The following NT5DC1 variants were observed in gnomAD, a reference collection of about 807,000 sequenced individuals.
NT5DC1 encodes 5'-nucleotidase domain-containing protein 1.
In NT5DC1, 42 loss-of-function variants were observed where a neutral mutation model predicts 59.4. The observed-to-expected ratio is 0.71, with a 90% confidence interval of 0.55 to 0.92. NT5DC1 has a LOEUF of 0.92. NT5DC1 is among the 40% of genes least tolerant of loss of function. The pLI is 0.00. For missense variants in NT5DC1, 501 were observed against 537.1 expected (o/e 0.93, Z 0.66); for synonymous variants, 172 against 188.1 (o/e 0.91, Z 0.70).
In NT5DC1 at chr6:116,152,320, TA is replaced by T. The variant is rs540189707; in HGVS notation, c.529+34376del. On this transcript the variant is annotated intron_variant, in intron 6 of 11. Coordinates refer to ENST00000319550, the MANE Select transcript of NT5DC1 (RefSeq NM_152729.3). ...GCACACAACAGTTGATTCTTCAACT[TA>T]TCGTACCATTTAACTCCCATTCCTT... Among the ~76,000 whole-genome samples the T allele has an allele frequency of 2.3e-3, 344 of 152,342 alleles. 2 individuals are homozygous for T. The highest frequency in any genetic ancestry group is 8.1e-3 in the African/African-American group (338 of 41,574).
intron 6 of NT5DC1, among the ~76,000 whole-genome samples, chr6:116,219,972 AAAAAAAAAAAAAC>A (rs1245993133): frequency 4.0e-5 from 6 of 148,946 alleles, no homozygotes; most frequent in African/African-American, 1.3e-4. Context: ...AAAAAAAAAA[AAAAAAAAAAAAAC>A]AACTCTTCTT....
At chr6:116,161,107 C>T (rs1242778358) in intron 6 of NT5DC1, among the ~76,000 whole-genome samples, 1 of 149,320 alleles carries the variant, frequency 6.7e-6, no homozygotes, top group Non-Finnish European at 1.5e-5. Flanking sequence ...AACCAAACAC[C>T]GCATGTTCTC....
At chr6:116,218,058 T>A (rs1430541341) in intron 6 of NT5DC1, among the ~76,000 whole-genome samples, 1 of 152,184 alleles carries the variant, frequency 6.6e-6, no homozygotes. Flanking sequence ...TTTAGTTTGT[T>A]CATTTCAGTC....
chr6:116,146,538 G>A (rs969449371), intron 6 of NT5DC1, among the ~76,000 whole-genome samples: 1 of 152,170 alleles, frequency 6.6e-6, no homozygotes, highest in Non-Finnish European at 1.5e-5. Flanking sequence ...ACAAAAGAAA[G>A]TATGTGCCAG....
chr6:116,184,469 A>T (rs1171925869), intron 6 of NT5DC1, among the ~76,000 whole-genome samples: 1 of 152,006 alleles, frequency 6.6e-6, no homozygotes, highest in African/African-American at 2.4e-5. Context: ...GATTGGTACC[A>T]ATTCTTTGAA....
chr6:116,185,108 T>C (rs1430212162), intron 6 of NT5DC1, among the ~76,000 whole-genome samples: 2 of 152,108 alleles, frequency 1.3e-5, no homozygotes, highest in Non-Finnish European at 1.5e-5. Flanking sequence ...CCATCTTGAG[T>C]TCATTGTTGA....
At chr6:116,183,410 A>G (rs551654810) in intron 6 of NT5DC1, among the ~76,000 whole-genome samples, 32 of 152,188 alleles carry the variant, frequency 2.1e-4, no homozygotes, top group African/African-American at 7.7e-4. Flanking sequence ...TCTGTGAAGA[A>G]TGGTGGTAGT....
chr6:116,138,176 T>A (rs530258935), intron 6 of NT5DC1, among the ~76,000 whole-genome samples: 1 of 152,336 alleles, frequency 6.6e-6, no homozygotes, highest in South Asian at 2.1e-4. Flanking sequence ...TATTATTTCA[T>A]TTACTTGTCA....
At chr6:116,122,896 T>C (rs949117753) in intron 6 of NT5DC1, among the ~76,000 whole-genome samples, 3 of 152,200 alleles carry the variant, frequency 2.0e-5, no homozygotes, top group Non-Finnish European at 1.5e-5. Context: ...TCCCCATGGA[T>C]TTTCAGAAAA....
chr6:116,221,060 G>T lies in NT5DC1; in HGVS notation c.536G>T (p.Cys179Phe), dbSNP rs373276654. The change falls in exon 7 of 12, where the codon TGT becomes TTT. Residue 179 changes from cysteine (C) to phenylalanine (F), a missense_variant. By Grantham distance (205) the Cys-to-Phe change is radical. Coordinates refer to ENST00000319550, the MANE Select transcript of NT5DC1 (RefSeq NM_152729.3). ...NYKMSAFKEN[C>F]GIYFPEIKRD... ...TGATATTTTTATTTTTCAGAAAACT[G>T]TGGAATATATTTTCCAGAAATAAAA... is the stretch of plus-strand genomic sequence containing the variant. 4.8e-6 allele frequency: 7 copies of T among 1,445,368 alleles called. No individual in the cohort carries two copies. Among genetic ancestry groups the T allele is most frequent in the Non-Finnish European group, 6.7e-6 (7 of 1,042,268 alleles). The allele number at this position is 1,445,368 out of a possible 1,614,324, so 89.5% of individuals were successfully genotyped here. A position where few individuals can be genotyped will look rare whatever the true frequency, so the allele number is the denominator to read the frequency against.
chr6:116,115,502 T>C (rs1778947014), intron 4 of NT5DC1, among the ~76,000 whole-genome samples, 189 bp from the exon 5 acceptor site: 1 of 152,252 alleles, frequency 6.6e-6, no homozygotes, highest in Admixed American at 6.5e-5. Flanking sequence ...TTAACTTTCT[T>C]GTGGTGCCCT....
chr6:116,219,506 T>C (rs1198897066), intron 6 of NT5DC1, among the ~76,000 whole-genome samples: 2 of 152,110 alleles, frequency 1.3e-5, no homozygotes, highest in African/African-American at 4.8e-5. Context: ...TAGAGACCCT[T>C]GCCCTTCCTA....
intron 6 of NT5DC1, among the ~76,000 whole-genome samples, chr6:116,209,506 A>G (rs1444993930): frequency 6.6e-6 from 1 of 152,040 alleles, no homozygotes; most frequent in Non-Finnish European, 1.5e-5. Context: ...TATGCTTATT[A>G]CAAGTGTTGA....
At chr6:116,230,170 A>G (rs1781990628) in intron 8 of NT5DC1, among the ~76,000 whole-genome samples, 1 of 150,762 alleles carries the variant, frequency 6.6e-6, no homozygotes, top group Non-Finnish European at 1.5e-5. Context: ...CCCCTCCCCA[A>G]CCTCTCTTCA....
intron 2 of NT5DC1, among the ~76,000 whole-genome samples, 195 bp downstream of exon 2, chr6:116,106,530 A>G (rs1778772172): frequency 6.6e-6 from 1 of 152,206 alleles, no homozygotes; most frequent in South Asian, 2.1e-4. Flanking sequence ...AAACAAGTTT[A>G]GACTTGCCTA....
chr6:116,238,983 C>A lies in NT5DC1; in HGVS notation c.1112C>A (p.Ser371Ter). 2 of 1,605,244 alleles carry A rather than the reference C, an allele frequency of 1.2e-6. No individual in the cohort carries two copies. The highest frequency in any genetic ancestry group is 1.7e-6 in the Non-Finnish European group (2 of 1,172,482). Residue 371 changes from serine to a stop codon, truncating the protein, a stop_gained, in exon 11 of 12, where the codon TCA (serine) becomes TAA (stop). Transcript: ENST00000319550. LOFTEE classifies it high-confidence loss of function. ...CCAAAAGCAAAACCTTTAAATACTT[C>A]ATCTAAAAAATGGGGCTCTTTTTTT... ...EGPKAKPLNT[S>*]SKKWGSFFID...
In NT5DC1 at chr6:116,137,731, C is replaced by T. The variant is rs567605087; in HGVS notation, c.529+19786C>T. 5.3e-5 allele frequency among the ~76,000 whole-genome samples: 8 copies of T among 152,314 alleles called. No individual in the cohort carries two copies. In the South Asian group the frequency reaches 1.0e-3, roughly 20 times the overall value. Reference sequence around the variant, plus strand: ...TTTTATAAAATGCATGTGTGCAATACGTACCTGTTTATATGGAAAACCAGT... The same window carrying T: ...TTTTATAAAATGCATGTGTGCAATATGTACCTGTTTATATGGAAAACCAGT... On this transcript the variant is annotated intron_variant, in intron 6 of 11. Transcript: ENST00000319550.
At chr6:116,198,449 G>A (rs554988512) in intron 6 of NT5DC1, among the ~76,000 whole-genome samples, 1 of 152,040 alleles carries the variant, frequency 6.6e-6, no homozygotes. Context: ...ACTACAGGTG[G>A]CTGGGTATAG....
chr6:116,202,313 A>G (rs1781366660), intron 6 of NT5DC1, among the ~76,000 whole-genome samples: 1 of 151,998 alleles, frequency 6.6e-6, no homozygotes, highest in Admixed American at 6.6e-5. Flanking sequence ...TACATAGATC[A>G]GTAGCAGAAC....
Sources: allele counts gnomAD v4.1 joint callset (sites outside exome capture counted in the v4.1 genomes callset), GRCh38; gene constraint gnomAD v4.1.1; transcripts MANE v1.5; gene names NCBI Gene and HGNC (gene_info 2026-07-23, HGNC 2026-07-21).